Variants in RAB3D observed in about 807,000 individuals in gnomAD.
The protein encoded by RAB3D is ras-related protein Rab-3D.
A neutral mutation model predicts 19.3 loss-of-function variants in RAB3D; 17 were observed. The observed-to-expected ratio is 0.88, with a 90% confidence interval of 0.60 to 1.32. RAB3D has a LOEUF of 1.32. RAB3D is among the 40% of genes most tolerant of loss of function. RAB3D has a pLI of 0.00. For synonymous variants in RAB3D, 103 were observed against 119.9 expected (o/e 0.86, Z 0.92); for missense variants, 223 against 299.1 (o/e 0.75, Z 1.88).
At chr19:11,338,994 C>T (rs1568302496) in intron 1 of RAB3D, among the ~76,000 whole-genome samples, 1 of 152,248 alleles carries the variant, frequency 6.6e-6, no homozygotes, top group African/African-American at 2.4e-5. Context: ...TATTTCTCAA[C>T]TGCCTTTGGG....
intron 4 of RAB3D, among the ~76,000 whole-genome samples, chr19:11,327,777 C>T (rs1387834270): frequency 6.6e-6 from 1 of 152,074 alleles, no homozygotes; most frequent in Non-Finnish European, 1.5e-5. Context: ...AGGAGAATCA[C>T]TTGAACCCAA....
Position 11,325,357 on chromosome 19 carries a change from C to A in RAB3D, c.*41G>T. Reference sequence around the variant, plus strand: ...GCTCACGCCTCGATCACAGTCCCTGCCGAGGCAGGAGAGGGGTGGGTGGGG... The same window carrying A: ...GCTCACGCCTCGATCACAGTCCCTGACGAGGCAGGAGAGGGGTGGGTGGGG... On this transcript the variant is annotated 3_prime_UTR_variant, in exon 5 of 5. Coordinates refer to ENST00000222120, the MANE Select transcript of RAB3D (RefSeq NM_004283.4). 1 of 1,139,394 alleles carries A rather than the reference C, an allele frequency of 8.8e-7. No homozygotes were observed. 70.6% of individuals were successfully genotyped at this position (1,139,394 alleles called of 1,614,324 possible).
chr19:11,335,821 T>C, intron 2 of RAB3D, 38 bp from the exon 3 acceptor site: 1 of 1,573,706 alleles, frequency 6.4e-7, no homozygotes, highest in Non-Finnish European at 8.7e-7. Context: ...GGGAACTACC[T>C]GTTTCCCAGT....
intron 3 of RAB3D, 38 bp from the exon 4 acceptor site, chr19:11,335,609 G>A (rs560794281): frequency 3.1e-6 from 5 of 1,613,684 alleles, no homozygotes; most frequent in East Asian, 2.2e-5. Context: ...AGCCGGGGGG[G>A]TTAGGGGTCA....
At chr19:11,332,621 T>C (rs2080839074) in intron 4 of RAB3D, among the ~76,000 whole-genome samples, 1 of 152,288 alleles carries the variant, frequency 6.6e-6, no homozygotes, top group East Asian at 1.9e-4. Context: ...CTGAGAGTAT[T>C]TGAACATTTT....
In RAB3D at chr19:11,337,268, G is replaced by A. The variant is rs747098251; in HGVS notation, c.132C>T (p.Asp44=). The change falls in exon 2 of 5, where the codon GAC becomes GAT. Residue 44 remains aspartate (D), a synonymous_variant. Transcript: ENST00000222120. ...GKTSFLFRYA[D]DSFTPAFVST... ...TGACGAAGGCGGGAGTGAAGGAGTC[G>A]TCCGCGTATCGGAACAGGAAGGAAG... 15 of 1,614,004 alleles carry A rather than the reference G, an allele frequency of 9.3e-6. No individual in the cohort carries two copies. Among genetic ancestry groups the A allele is most frequent in the Non-Finnish European group, 1.2e-5 (14 of 1,180,034 alleles).
intron 4 of RAB3D, among the ~76,000 whole-genome samples, chr19:11,332,673 G>T (rs149122033): frequency 1.3e-5 from 2 of 152,162 alleles, no homozygotes; most frequent in East Asian, 3.9e-4. Flanking sequence ...TTGAGACAGG[G>T]TCTCGCTATA....
chr19:11,325,708 T>G (rs1417376767), intron 4 of RAB3D, 123 bp from the exon 5 acceptor site: 17 of 871,928 alleles, frequency 1.9e-5, no homozygotes, highest in Non-Finnish European at 3.0e-5. Context: ...GGACCTTGGT[T>G]GTGTGCCTTT....
At chr19:11,327,867 A>T (rs2147966969) in intron 4 of RAB3D, among the ~76,000 whole-genome samples, 1 of 152,136 alleles carries the variant, frequency 6.6e-6, no homozygotes, top group South Asian at 2.1e-4. Flanking sequence ...AAAAAAATAC[A>T]TTTTTTGGAT....
In RAB3D at chr19:11,325,321, TA is replaced by T; in HGVS notation, c.*76del. 1.1e-6 allele frequency: 1 copy of T among 935,604 alleles called. No homozygotes were observed. Among genetic ancestry groups the T allele is most frequent in the Non-Finnish European group, 1.6e-6 (1 of 627,028 alleles). The allele number at this position is 935,604 out of a possible 1,614,324, so 58.0% of individuals were successfully genotyped here. A position where few individuals can be genotyped will look rare whatever the true frequency, so the allele number is the denominator to read the frequency against. On this transcript the variant is annotated 3_prime_UTR_variant, in exon 5 of 5. Coordinates refer to ENST00000222120, the MANE Select transcript of RAB3D (RefSeq NM_004283.4). ...GAAGGGATTGCCCTGAGCTTGGAGA[TA>T]ACCACTGTGGCTCACGCCTCGATCA... is the stretch of plus-strand genomic sequence containing the variant.
At position 11,335,786 on chromosome 19, in the gene RAB3D, G is replaced by A; in HGVS notation, c.229-3C>T. On this transcript the variant is annotated splice_region_variant and splice_polypyrimidine_tract_variant and intron_variant, in intron 2 of 4. Transcript: ENST00000222120. ...TAGCGCTCCTGGCCCGCTGTGTCCT[G>A]GACAAATGGCAGTGGCAGTTGGCTG... 6.2e-7 allele frequency: 1 copy of A among 1,613,790 alleles called. No homozygotes were observed. Among genetic ancestry groups the A allele is most frequent in the Non-Finnish European group, 8.5e-7 (1 of 1,179,678 alleles).
intron 4 of RAB3D, chr19:11,326,682 C>T: frequency 4.7e-6 from 3 of 644,918 alleles, no homozygotes; most frequent in East Asian, 2.9e-5. Flanking sequence ...TGGCTCATTG[C>T]AGCCTCAACC....
At chr19:11,328,496 A>G (rs2080824139) in intron 4 of RAB3D, among the ~76,000 whole-genome samples, 1 of 151,686 alleles carries the variant, frequency 6.6e-6, no homozygotes, top group Non-Finnish European at 1.5e-5. Context: ...AAAATACAAA[A>G]TTTAGCTTTG....
At chr19:11,327,346 A>G (rs10422156) in intron 4 of RAB3D, among the ~76,000 whole-genome samples, 18,981 of 152,134 alleles carry the variant, frequency 0.12, 2,749 homozygotes, top group African/African-American at 0.35. Context: ...TTCCTGGGCA[A>G]ATCTGGTGTT....
At chr19:11,337,578 AC>A in intron 1 of RAB3D, 118 bp from the exon 2 acceptor site, 1 of 582,984 alleles carries the variant, frequency 1.7e-6, no homozygotes. Context: ...CCCCCTCTAG[AC>A]CTCAGTGTCC....
At position 11,322,416 on chromosome 19, in the gene RAB3D, A is replaced by G. The variant is rs939205609; in HGVS notation, c.*2982T>C. 6.6e-6 allele frequency: 1 copy of G among 152,026 alleles called. No homozygotes were observed. The highest frequency in any genetic ancestry group is 2.1e-4 in the South Asian group (1 of 4,826). The allele number at this position is 152,026 out of a possible 1,614,324, so 9.4% of individuals were successfully genotyped here. A position where few individuals can be genotyped will look rare whatever the true frequency, so the allele number is the denominator to read the frequency against. On this transcript the variant is annotated 3_prime_UTR_variant, in exon 5 of 5. Coordinates refer to ENST00000222120, the MANE Select transcript of RAB3D (RefSeq NM_004283.4). ...TGGCAATTTCCCATCAAAACTGCCCATGTAAAATAAACACAAGCTGCTAAA... is the reference window on the plus strand; with the variant it reads ...TGGCAATTTCCCATCAAAACTGCCCGTGTAAAATAAACACAAGCTGCTAAA...
intron 4 of RAB3D, among the ~76,000 whole-genome samples, chr19:11,329,515 G>A (rs1204012914): frequency 6.6e-6 from 1 of 151,626 alleles, no homozygotes; most frequent in Admixed American, 6.6e-5. Context: ...GCTGAGGCAG[G>A]AGAATTGCTT....
intron 4 of RAB3D, among the ~76,000 whole-genome samples, chr19:11,331,957 T>C (rs963589136): frequency 6.6e-6 from 1 of 152,184 alleles, no homozygotes; most frequent in African/African-American, 2.4e-5. Flanking sequence ...TGATTCAAGA[T>C]TGAAAAAATG....
At chr19:11,335,171 C>T (rs113056690) in intron 4 of RAB3D, among the ~76,000 whole-genome samples, 7 of 152,354 alleles carry the variant, frequency 4.6e-5, no homozygotes, top group African/African-American at 1.7e-4. Flanking sequence ...AATACTACTA[C>T]TACACTCCAC....
Sources: allele counts gnomAD v4.1 joint callset (sites outside exome capture counted in the v4.1 genomes callset), GRCh38; gene constraint gnomAD v4.1.1; transcripts MANE v1.5; gene names NCBI Gene and HGNC (gene_info 2026-07-23, HGNC 2026-07-21).